The following FHIT variants were observed in gnomAD, a reference collection of about 807,000 sequenced individuals.
The protein encoded by FHIT is fragile histidine triad diadenosine triphosphatase.
FHIT carries 19 observed loss-of-function variants against 17.9 expected under a neutral mutation model. The observed-to-expected ratio is 1.06, with a 90% CI of 0.74 to 1.56. FHIT has a LOEUF of 1.56. Among genes scored for constraint, FHIT ranks in the 40% most tolerant of loss-of-function variants. The pLI is 0.00. For synonymous variants in FHIT, 81 were observed against 69.7 expected (o/e 1.16, Z -0.81); for missense variants, 248 against 189.2 (o/e 1.31, Z -1.82).
At position 60,123,965 on chromosome 3, in the gene FHIT, AAAATAT is replaced by A. The variant is rs1302228173; in HGVS notation, c.104-109819_104-109814del. On this transcript the variant is annotated intron_variant, in intron 5 of 9. Transcript: ENST00000492590. The stretch of plus-strand genomic sequence containing the variant: ...CACTTCCATTAACAGAAATGCACTA[AAAATAT>A]ATATATATATATATATATATATATA... 2.8e-3 allele frequency among the ~76,000 whole-genome samples: 154 copies of A among 54,458 alleles called. 6 individuals carry two copies. Among genetic ancestry groups the A allele is most frequent in the African/African-American group, 6.6e-3 (78 of 11,740 alleles). 35.7% of individuals were successfully genotyped at this position (54,458 alleles called of 152,430 possible). A position where few individuals can be genotyped will look rare whatever the true frequency, so the allele number is the denominator to read the frequency against.
intron 2 of FHIT, among the ~76,000 whole-genome samples, chr3:61,148,348 C>A (rs1217422578): frequency 6.6e-6 from 1 of 152,068 alleles, no homozygotes; most frequent in Non-Finnish European, 1.5e-5. Flanking sequence ...CAGAAAATTA[C>A]CTCCTGATCC....
At chr3:61,134,100 TACACACAC>T (rs150931006) in intron 2 of FHIT, among the ~76,000 whole-genome samples, 4 of 134,874 alleles carry the variant, frequency 3.0e-5, no homozygotes, top group Non-Finnish European at 6.3e-5. Flanking sequence ...CACACACACA[TACACACAC>T]ACACACACAC....
intron 1 of FHIT, among the ~76,000 whole-genome samples, chr3:61,249,809 A>G (rs926731094): frequency 1.3e-5 from 2 of 152,072 alleles, no homozygotes; most frequent in African/African-American, 2.4e-5. Context: ...TTAAAAAGAG[A>G]TCATGTGAAC....
chr3:59,808,017 C>T (rs1453707063), intron 8 of FHIT, among the ~76,000 whole-genome samples: 1 of 152,274 alleles, frequency 6.6e-6, no homozygotes, highest in East Asian at 1.9e-4. Flanking sequence ...AACATCACCG[C>T]TACCTAGTTT....
rs998194879 is a variant in FHIT at position 61,145,876 on chromosome 3, T to A, written c.-164+54741A>T. ...TTGATCTTGTATCTTGCCACATTGC[T>A]GAACTCGTTTAGTAGTTCCAATAGT... On this transcript the variant is annotated intron_variant, in intron 2 of 9. Transcript: ENST00000492590. Among the ~76,000 whole-genome samples, 5 of 152,232 alleles carry A rather than the reference T, an allele frequency of 3.3e-5. No homozygotes were observed. In the East Asian group the frequency reaches 5.8e-4, roughly 18 times the overall value.
intron 3 of FHIT, among the ~76,000 whole-genome samples, chr3:60,855,316 G>A (rs1394957717): frequency 6.6e-6 from 1 of 152,084 alleles, no homozygotes; most frequent in Non-Finnish European, 1.5e-5. Flanking sequence ...GACATACACT[G>A]GGGGGACTCA....
chr3:60,291,744 T>C (rs543634142), intron 5 of FHIT, among the ~76,000 whole-genome samples: 28 of 152,204 alleles, frequency 1.8e-4, no homozygotes, highest in Admixed American at 3.3e-4. Flanking sequence ...GAGCCTTAAA[T>C]CCAATGACTG....
intron 1 of FHIT, among the ~76,000 whole-genome samples, chr3:61,239,760 GCCATATATATATAT>G (rs2040322550): frequency 3.1e-5 from 1 of 32,320 alleles, no homozygotes; most frequent in Admixed American, 2.2e-4. Context: ...AAAACAACTG[GCCATATATATATAT>G]ATATATATAT....
At chr3:61,205,664 G>C (rs1459239994) in intron 1 of FHIT, among the ~76,000 whole-genome samples, 1 of 151,572 alleles carries the variant, frequency 6.6e-6, no homozygotes, top group Admixed American at 6.6e-5. Flanking sequence ...CTTTTTGATG[G>C]GGTTGTTTTT....
chr3:61,116,387 G>A (rs1433440565), intron 2 of FHIT, among the ~76,000 whole-genome samples: 1 of 151,900 alleles, frequency 6.6e-6, no homozygotes, highest in African/African-American at 2.4e-5. Context: ...TGTGACTTTG[G>A]GAATGCCCTT....
At chr3:60,068,903 G>A (rs1000567636) in intron 5 of FHIT, among the ~76,000 whole-genome samples, 2 of 152,100 alleles carry the variant, frequency 1.3e-5, no homozygotes, top group Non-Finnish European at 2.9e-5. Flanking sequence ...TAAAACATAT[G>A]TACAAGGATG....
chr3:60,112,785 T>C (rs763984608), intron 5 of FHIT, among the ~76,000 whole-genome samples: 129 of 152,188 alleles, frequency 8.5e-4, no homozygotes, highest in Non-Finnish European at 1.5e-3. Context: ...AGGAGCATGA[T>C]GGAAGCAAGC....
intron 7 of FHIT, among the ~76,000 whole-genome samples, chr3:59,953,882 G>T (rs1575758161): frequency 6.6e-6 from 1 of 152,242 alleles, no homozygotes; most frequent in Non-Finnish European, 1.5e-5. Flanking sequence ...TCATTGAGAG[G>T]TCCTGATGCC....
At chr3:61,070,354 C>T (rs1241465041) in intron 2 of FHIT, among the ~76,000 whole-genome samples, 5 of 152,188 alleles carry the variant, frequency 3.3e-5, no homozygotes, top group Non-Finnish European at 5.9e-5. Flanking sequence ...GAGCCCAGAG[C>T]AGGAAATGAA....
Position 60,581,046 on chromosome 3 carries a change from TAG to T in FHIT, c.-17-44069_-17-44068del, listed in dbSNP as rs1386418136. 1.1e-4 allele frequency among the ~76,000 whole-genome samples: 16 copies of T among 152,144 alleles called. No homozygotes were observed. In the South Asian group the frequency reaches 1.2e-3, roughly 12 times the overall value. On this transcript the variant is annotated intron_variant, in intron 4 of 9. Coordinates refer to ENST00000492590, the MANE Select transcript of FHIT (RefSeq NM_002012.4). ...CCAGGTGGTGCTGATGCTGCGGAGT[TAG>T]AGAGTACACAAGAAGCAAGGCAAAG...
At chr3:59,950,771 T>C (rs1336495727) in intron 7 of FHIT, among the ~76,000 whole-genome samples, 2 of 152,290 alleles carry the variant, frequency 1.3e-5, no homozygotes, top group East Asian at 1.9e-4. Flanking sequence ...GTTCCTTTTA[T>C]TCTACACAAC....
chr3:60,348,854 C>T (rs1710931015), intron 5 of FHIT, among the ~76,000 whole-genome samples: 1 of 152,222 alleles, frequency 6.6e-6, no homozygotes, highest in African/African-American at 2.4e-5. Context: ...CAGGGATAGC[C>T]TGCTGGCGGA....
At chr3:60,311,721 T>C (rs1475509160) in intron 5 of FHIT, among the ~76,000 whole-genome samples, 3 of 152,234 alleles carry the variant, frequency 2.0e-5, no homozygotes, top group Admixed American at 2.0e-4. Flanking sequence ...GGCTGTGGTT[T>C]GTGAGCTATC....
At chr3:61,232,581 G>A (rs1160501411) in intron 1 of FHIT, among the ~76,000 whole-genome samples, 1 of 152,144 alleles carries the variant, frequency 6.6e-6, no homozygotes, top group Non-Finnish European at 1.5e-5. Flanking sequence ...GGACCAGGGA[G>A]GTCTTCAAGA....
Sources: allele counts gnomAD v4.1 joint callset (sites outside exome capture counted in the v4.1 genomes callset), GRCh38; gene constraint gnomAD v4.1.1; transcripts MANE v1.5; gene names NCBI Gene and HGNC (gene_info 2026-07-23, HGNC 2026-07-21).